Variants in ATP13A4 observed in about 807,000 individuals in gnomAD.
ATP13A4 encodes the protein ATPase 13A4, also known as probable cation-transporting ATPase 13A4.
ATP13A4 carries 114 observed loss-of-function variants against 142.5 expected under a neutral mutation model. The ratio of observed to expected loss-of-function variants is 0.80; its 90% confidence interval spans 0.69 to 0.93. The LOEUF (loss-of-function observed/expected upper bound fraction) is 0.93. Among genes scored for constraint, ATP13A4 ranks in the 40% least tolerant of loss-of-function variants. The pLI, the probability that ATP13A4 is intolerant of heterozygous loss-of-function variation, is 0.00. For missense variants in ATP13A4, 1,392 were observed against 1,454.0 expected (o/e 0.96, Z 0.69); for synonymous variants, 488 against 514.8 (o/e 0.95, Z 0.70).
chr3:193,460,942 A>G (rs1717911841), intron 13 of ATP13A4, among the ~76,000 whole-genome samples: 1 of 152,232 alleles, frequency 6.6e-6, no homozygotes, highest in Non-Finnish European at 1.5e-5. Context: ...CTTTAACAAG[A>G]AGGTATTGAA....
intron 1 of ATP13A4, among the ~76,000 whole-genome samples, chr3:193,518,449 T>C (rs1009354505): frequency 3.9e-5 from 6 of 152,038 alleles, no homozygotes; most frequent in African/African-American, 1.2e-4. Flanking sequence ...GAAAACCATA[T>C]AGGAAGGAAA....
At chr3:193,403,024 G>T (rs1298765054) in intron 29 of ATP13A4, among the ~76,000 whole-genome samples, 160 bp from the exon 30 acceptor site, 1 of 152,172 alleles carries the variant, frequency 6.6e-6, no homozygotes, top group Non-Finnish European at 1.5e-5. Context: ...CATTGGACAG[G>T]TATTGGTTTC....
intron 17 of ATP13A4, among the ~76,000 whole-genome samples, chr3:193,451,287 A>C (rs1576976548): frequency 6.6e-6 from 1 of 152,364 alleles, no homozygotes; most frequent in Admixed American, 6.5e-5. Flanking sequence ...GATTAGGCCA[A>C]GAAAATGGCT....
chr3:193,476,372 T>C (rs1032273855), intron 8 of ATP13A4, among the ~76,000 whole-genome samples: 1 of 152,058 alleles, frequency 6.6e-6, no homozygotes, highest in African/African-American at 2.4e-5. Flanking sequence ...TCAGCCTTCG[T>C]AGAATTAAAG....
chr3:193,532,028 C>A (rs1183650126), intron 1 of ATP13A4, among the ~76,000 whole-genome samples: 2 of 152,068 alleles, frequency 1.3e-5, no homozygotes, highest in South Asian at 2.1e-4. Context: ...AAAGGTGAGA[C>A]TACCAACCAT....
At chr3:193,515,333 C>G (rs528671462) in intron 1 of ATP13A4, among the ~76,000 whole-genome samples, 1 of 152,144 alleles carries the variant, frequency 6.6e-6, no homozygotes, top group Non-Finnish European at 1.5e-5. Flanking sequence ...TGTCAGCTGG[C>G]GAGCTGACAG....
At position 193,478,646 on chromosome 3, in the gene ATP13A4, A is replaced by T. The variant is rs191860692; in HGVS notation, c.808+5290T>A. Among the ~76,000 whole-genome samples the T allele has an allele frequency of 1.3e-3, 190 of 151,140 alleles. 2 individuals carry two copies. The highest frequency in any genetic ancestry group is 3.4e-3 in the Middle Eastern group (1 of 292). ...TTTAAAAAGTTACCAAGAAAAAAAA[A>T]GTCCAGGACCAGATGGATTCACAGC... On this transcript the variant is annotated intron_variant, in intron 8 of 29. Coordinates refer to ENST00000342695, the MANE Select transcript of ATP13A4 (RefSeq NM_032279.4).
intron 23 of ATP13A4, among the ~76,000 whole-genome samples, chr3:193,438,084 G>A (rs374284143): frequency 2.0e-5 from 3 of 151,948 alleles, no homozygotes; most frequent in East Asian, 1.9e-4. Flanking sequence ...TGCCCACCTC[G>A]GCCTCCCAAA....
intron 25 of ATP13A4, among the ~76,000 whole-genome samples, chr3:193,430,202 C>T (rs996443729): frequency 7.9e-5 from 12 of 152,186 alleles, no homozygotes; most frequent in African/African-American, 2.9e-4. Flanking sequence ...TTCTGTGACA[C>T]CTCAAATGGC....
intron 1 of ATP13A4, among the ~76,000 whole-genome samples, chr3:193,585,950 A>G (rs953158219): frequency 1.3e-5 from 2 of 152,142 alleles, no homozygotes; most frequent in Non-Finnish European, 2.9e-5. Flanking sequence ...CATTCCTGCC[A>G]TCGGTTATTG....
intron 8 of ATP13A4, among the ~76,000 whole-genome samples, chr3:193,479,341 G>A (rs529659401): frequency 7.2e-5 from 11 of 152,152 alleles, no homozygotes; most frequent in South Asian, 2.1e-4. Flanking sequence ...GCTGTTCATC[G>A]ATGATATGAT....
At chr3:193,591,208 T>A (rs908128636) in intron 1 of ATP13A4, among the ~76,000 whole-genome samples, 11 of 152,170 alleles carry the variant, frequency 7.2e-5, no homozygotes, top group Non-Finnish European at 1.6e-4. Context: ...CTAATTTTTT[T>A]ATTTTTAGTA....
rs1715482634 is a variant in ATP13A4, at chr3:193,423,056, CA to C, written c.2843-8307del. Among the ~76,000 whole-genome samples the C allele has an allele frequency of 1.3e-5, 2 of 149,280 alleles. 1 individual carries two copies. On this transcript the variant is annotated intron_variant, in intron 25 of 29. Transcript: ENST00000342695. The stretch of plus-strand genomic sequence containing the variant: ...CATCACAACTAATAACACAGAAATA[CA>C]AAGTATCATAAGAGACTATTATGAA...
At chr3:193,561,335 T>C (rs73888594) in intron 2 of ATP13A4, among the ~76,000 whole-genome samples, 1 of 152,160 alleles carries the variant, frequency 6.6e-6, no homozygotes, top group South Asian at 2.1e-4. Flanking sequence ...CTGGTGCAGA[T>C]GAAGAAAGCG....
At chr3:193,479,675 A>G (rs1042580903) in intron 8 of ATP13A4, among the ~76,000 whole-genome samples, 39 of 152,196 alleles carry the variant, frequency 2.6e-4, no homozygotes, top group African/African-American at 9.1e-4. Flanking sequence ...TCAATATTGT[A>G]AAAATGACCA....
intron 17 of ATP13A4, among the ~76,000 whole-genome samples, chr3:193,449,319 C>A (rs545848080): frequency 6.6e-6 from 1 of 152,196 alleles, no homozygotes; most frequent in Admixed American, 6.5e-5. Context: ...AGATCGAGAA[C>A]AAGACACCAG....
At position 193,527,642 on chromosome 3, in the gene ATP13A4, C is replaced by G. The variant is rs112039738; in HGVS notation, c.61-12771G>C. On this transcript the variant is annotated intron_variant, in intron 1 of 29. Transcript: ENST00000342695. ...AAAAAAAAAAGGGCAGCACTTCCCC[C>G]CTCCCCTGCCTTCCTGCCGCCATGT... Among the ~76,000 whole-genome samples the G allele has an allele frequency of 5.0e-3, 755 of 151,936 alleles. 6 individuals carry two copies. The highest frequency in any genetic ancestry group is 0.019 in the East Asian group (96 of 5,160).
At chr3:193,502,170 T>C (rs79710441) in intron 3 of ATP13A4, among the ~76,000 whole-genome samples, 8,026 of 152,312 alleles carry the variant, frequency 0.053, 277 homozygotes, top group Non-Finnish European at 0.079. Context: ...AGAGCGAGTA[T>C]GTATTGAGCA....
intron 8 of ATP13A4, among the ~76,000 whole-genome samples, chr3:193,483,711 G>A (rs1303150117): frequency 2.0e-5 from 3 of 151,966 alleles, no homozygotes; most frequent in Admixed American, 6.6e-5. Flanking sequence ...TGATCAGCCC[G>A]CCTCGGCCTC....
Sources: allele counts gnomAD v4.1 joint callset (sites outside exome capture counted in the v4.1 genomes callset), GRCh38; gene constraint gnomAD v4.1.1; transcripts MANE v1.5; gene names NCBI Gene and HGNC (gene_info 2026-07-23, HGNC 2026-07-21).